PCNX2: variants seen among roughly 807,000 people sequenced by gnomAD.
PCNX2 encodes the protein pecanex 2.
A neutral mutation model predicts 223.8 loss-of-function variants in PCNX2; 168 were observed. That is an observed-to-expected ratio of 0.75 (90% CI 0.66 to 0.85). The LOEUF is 0.85. Ranked by LOEUF, PCNX2 falls within the 40% of genes least tolerant of loss-of-function variation. The pLI, the probability that PCNX2 is intolerant of heterozygous loss-of-function variation, is 0.00. For synonymous variants in PCNX2, 1,006 were observed against 1,052.6 expected (o/e 0.96, Z 0.86); for missense variants, 2,507 against 2,675.5 (o/e 0.94, Z 1.39).
chr1:233,181,063 C>A (rs923008393), intron 15 of PCNX2: 3 of 152,180 alleles, frequency 2.0e-5, no homozygotes, highest in Non-Finnish European at 4.4e-5. Context: ...TCATCAGCAA[C>A]GCCTTCCCTT....
At chr1:233,006,476 C>T (rs951030347) in intron 28 of PCNX2, among the ~76,000 whole-genome samples, 1 of 152,154 alleles carries the variant, frequency 6.6e-6, no homozygotes, top group Non-Finnish European at 1.5e-5. Flanking sequence ...CCCAGGACAG[C>T]CCCCACCACA....
At position 233,218,171 on chromosome 1, in the gene PCNX2, T is replaced by C; in HGVS notation, c.2518A>G (p.Lys840Glu). ...AGTAAAATCGCCAGTACATTCTCCT[T>C]GATGTCTTCAGTTCTGTGCAAAATA... is the stretch of plus-strand genomic sequence containing the variant. ...LALLDRTEDI[K>E]ENVLAILLIV... The change falls in exon 11 of 34, where the codon AAG becomes GAG. Residue 840 changes from lysine (K) to glutamate (E), a missense_variant. This residue lies in a region of PCNX2 where 1,031 missense variants were observed against 1,021.7 expected (regional missense o/e 1.01). Transcript: ENST00000258229. The C allele has an allele frequency of 2.0e-6, 3 of 1,528,852 alleles. No homozygotes were observed. Among genetic ancestry groups the C allele is most frequent in the Non-Finnish European group, 2.6e-6 (3 of 1,139,350 alleles). 94.7% of individuals were successfully genotyped at this position (1,528,852 alleles called of 1,614,324 possible).
At chr1:233,304,006 C>T in the PCNX2 span, among the ~76,000 whole-genome samples, 1 of 152,328 alleles carries the variant, frequency 6.6e-6, no homozygotes, top group East Asian at 1.9e-4. Context: ...TGGATTTAAT[C>T]ATATCACGAT....
chr1:233,307,863 T>C, the PCNX2 span, among the ~76,000 whole-genome samples: 1 of 152,238 alleles, frequency 6.6e-6, no homozygotes, highest in African/African-American at 2.4e-5. Flanking sequence ...GCTCCAGAGC[T>C]GCATCTGAAC....
At chr1:233,129,724 A>AC (rs1159061656) in intron 21 of PCNX2, among the ~76,000 whole-genome samples, 1 of 152,156 alleles carries the variant, frequency 6.6e-6, no homozygotes, top group East Asian at 1.9e-4. Context: ...GGACTTGGAG[A>AC]AACTTTGTCT....
At chr1:233,033,615 A>G (rs1463210880) in intron 25 of PCNX2, among the ~76,000 whole-genome samples, 1 of 152,370 alleles carries the variant, frequency 6.6e-6, no homozygotes, top group African/African-American at 2.4e-5. Flanking sequence ...AACATTGCAC[A>G]GTAAGTGCAA....
intron 21 of PCNX2, among the ~76,000 whole-genome samples, chr1:233,122,866 A>G (rs1454497454): frequency 2.6e-5 from 4 of 152,286 alleles, no homozygotes; most frequent in Middle Eastern, 3.4e-3. Context: ...CTTGACCTAC[A>G]TGGTCTTCCT....
chr1:233,317,320 A>G, the PCNX2 span, among the ~76,000 whole-genome samples: 4 of 152,318 alleles, frequency 2.6e-5, no homozygotes, highest in African/African-American at 2.4e-5. Flanking sequence ...AGGCTGAGGC[A>G]GGAGAATTGC....
intron 32 of PCNX2, among the ~76,000 whole-genome samples, chr1:232,997,638 T>G (rs1669919960): frequency 6.6e-6 from 1 of 152,198 alleles, no homozygotes; most frequent in African/African-American, 2.4e-5. Flanking sequence ...AGACCACCAG[T>G]GGAGTTTTGG....
At position 233,236,928 on chromosome 1, in the gene PCNX2, A is replaced by G. The variant is rs375569646; in HGVS notation, c.2275T>C (p.Ser759Pro). 8 of 1,613,866 alleles carry G rather than the reference A, an allele frequency of 5.0e-6. No individual in the cohort carries two copies. Among genetic ancestry groups the G allele is most frequent in the Non-Finnish European group, 6.8e-6 (8 of 1,179,862 alleles). ...GCACTGACGGCAGGGTCCCCAGAAG[A>G]CGGATCTTGACTCTCAGAAGTTGTG... ...STTTSESQDP[S>P]SGDPAVSALQ... Residue 759 changes from serine to proline, a missense_variant, in exon 9 of 34, where the codon TCT becomes CCT. This residue lies in a region of PCNX2 where 1,031 missense variants were observed against 1,021.7 expected (regional missense o/e 1.01). Coordinates refer to ENST00000258229, the MANE Select transcript of PCNX2 (RefSeq NM_014801.4).
chr1:233,286,765 G>A (rs964831058), intron 1 of PCNX2, among the ~76,000 whole-genome samples: 1 of 152,024 alleles, frequency 6.6e-6, no homozygotes, highest in Non-Finnish European at 1.5e-5. Flanking sequence ...GAAAGCCCAA[G>A]GCCCCCTTAC....
At chr1:233,245,909 C>CT (rs1223715651) in intron 8 of PCNX2, among the ~76,000 whole-genome samples, 1 of 149,834 alleles carries the variant, frequency 6.7e-6, no homozygotes, top group African/African-American at 2.5e-5. Flanking sequence ...GACGGAGACT[C>CT]TATCTCAAAA....
rs1464846781 is a variant in PCNX2 at position 233,017,227 on chromosome 1, A to C, written c.4606-73T>G. ...AAAGTAAATCAACCTCAGGAAAGTA[A>C]GAGGCATGAAATCCCTACATGTGGT... On this transcript the variant is annotated intron_variant, in intron 26 of 33. Coordinates refer to ENST00000258229, the MANE Select transcript of PCNX2 (RefSeq NM_014801.4). The C allele has an allele frequency of 4.1e-6, 5 of 1,206,878 alleles. No individual in the cohort carries two copies. In the African/African-American group the frequency reaches 7.9e-5, roughly 19 times the overall value. 74.8% of individuals were successfully genotyped at this position (1,206,878 alleles called of 1,614,324 possible).
rs552157431 is a variant in PCNX2 at position 233,139,534 on chromosome 1, C to T, written c.3659+180G>A. Among the ~76,000 whole-genome samples, 17 of 152,316 alleles carry T rather than the reference C, an allele frequency of 1.1e-4. No homozygotes were observed. The South Asian group carries it at 3.5e-3, about 32-fold the overall frequency. ...GATCTAACTTCATTTGCACCCCAGT[C>T]ATTCTACAATAACTGTCTAGCTCCA... On this transcript the variant is annotated intron_variant, in intron 20 of 33. Coordinates refer to ENST00000258229, the MANE Select transcript of PCNX2 (RefSeq NM_014801.4). This position sits in a 1 kb window ranked among gnomAD's most constrained non-coding sequence, Gnocchi z 4.4.
chr1:233,220,094 A>G, intron 10 of PCNX2, among the ~76,000 whole-genome samples: 1 of 152,014 alleles, frequency 6.6e-6, no homozygotes, highest in Non-Finnish European at 1.5e-5. Flanking sequence ...ACGTTCCTCC[A>G]TGTCTCTGTG....
chr1:233,181,798 AAGGACACTGATCTGATTCATG>A (rs1558317155), intron 15 of PCNX2, among the ~76,000 whole-genome samples: 1 of 152,120 alleles, frequency 6.6e-6, no homozygotes, highest in Non-Finnish European at 1.5e-5. Flanking sequence ...CCTCTTTTAC[AAGGACACTGATCTGATTCATG>A]AGGACTCCTC....
chr1:233,230,356 G>T lies in PCNX2; in HGVS notation c.2359-2985C>A, dbSNP rs551086196. Among the ~76,000 whole-genome samples the T allele has an allele frequency of 6.6e-5, 10 of 152,198 alleles. No individual in the cohort carries two copies. In the East Asian group the frequency reaches 1.9e-3, roughly 29 times the overall value. On this transcript the variant is annotated intron_variant, in intron 9 of 33. Coordinates refer to ENST00000258229, the MANE Select transcript of PCNX2 (RefSeq NM_014801.4). ...GAGGACCCTCAGTGGAGTCTGAGAA[G>T]GAGTTTCATATTCATCACTTTTATC... is the stretch of plus-strand genomic sequence containing the variant.
intron 23 of PCNX2, among the ~76,000 whole-genome samples, chr1:233,070,952 G>A (rs1383579976): frequency 2.0e-5 from 3 of 152,076 alleles, no homozygotes; most frequent in Non-Finnish European, 2.9e-5. Context: ...CAGGAGAATG[G>A]GTGAACCCGG....
chr1:233,017,276 G>T, intron 26 of PCNX2, 122 bp from the exon 27 acceptor site: 5 of 469,448 alleles, frequency 1.1e-5, no homozygotes, highest in Non-Finnish European at 1.1e-5. Context: ...TCTGCTGGGT[G>T]TAATGCACAG....
Sources: gnomAD v4.1 joint callset for allele counts (sites outside exome capture counted in the v4.1 genomes callset) on GRCh38, gnomAD v4.1.1 for gene constraint, gnomAD v4.1.1 regional missense constraint, Gnocchi (gnomAD v3.1) non-coding constraint, MANE v1.5 for transcripts, NCBI Gene and HGNC (gene_info 2026-07-23, HGNC 2026-07-21) for gene names.